The following IFT122 variants were observed in gnomAD, a reference collection of about 807,000 sequenced individuals.
The protein encoded by IFT122 is intraflagellar transport protein 122 homolog.
IFT122 carries 118 observed loss-of-function variants against 161.6 expected under a neutral mutation model. The ratio of observed to expected loss-of-function variants is 0.73; its 90% confidence interval spans 0.63 to 0.85. The LOEUF (loss-of-function observed/expected upper bound fraction) is 0.85. IFT122 is among the 40% of genes least tolerant of loss of function. The pLI, the probability that IFT122 is intolerant of heterozygous loss-of-function variation, is 0.00. For synonymous variants in IFT122, 550 were observed against 602.4 expected (o/e 0.91, Z 1.27); for missense variants, 1,381 against 1,579.6 (o/e 0.87, Z 2.13).
chr3:129,461,227 G>A lies in IFT122; in HGVS notation c.273-1G>A. The stretch of plus-strand genomic sequence containing the variant: ...GTAATCTACAGTTGTTTACTTCCCA[G>A]GCACAATGATGCTATACAATGTGTC... On this transcript the variant is annotated splice_acceptor_variant, in intron 4 of 29. Coordinates refer to ENST00000348417, the MANE Select transcript of IFT122 (RefSeq NM_052989.3). LOFTEE classifies it high-confidence loss of function. The A allele has an allele frequency of 1.2e-6, 2 of 1,611,058 alleles. No homozygotes were observed. The highest frequency in any genetic ancestry group is 1.7e-6 in the Non-Finnish European group (2 of 1,177,198).
intron 11 of IFT122, among the ~76,000 whole-genome samples, chr3:129,477,452 G>A (rs1260695887): frequency 1.3e-5 from 2 of 152,234 alleles, no homozygotes; most frequent in Non-Finnish European, 2.9e-5. Flanking sequence ...CCAGGTTGGG[G>A]GTTGTCTTGT....
At chr3:129,446,514 C>T (rs80329886) in intron 1 of IFT122, among the ~76,000 whole-genome samples, 11,297 of 152,110 alleles carry the variant, frequency 0.074, 1,128 homozygotes, top group East Asian at 0.41. Context: ...CGCGCCCGGC[C>T]GACCCTAGGT....
At chr3:129,479,156 C>T (rs1037420041) in intron 12 of IFT122, among the ~76,000 whole-genome samples, 8 of 148,986 alleles carry the variant, frequency 5.4e-5, no homozygotes. Context: ...TGCAGTGGCT[C>T]ATGCCTGTAA....
chr3:129,502,907 G>T, intron 20 of IFT122, 25 bp downstream of exon 20: 2 of 1,604,442 alleles, frequency 1.2e-6, no homozygotes, highest in Non-Finnish European at 1.7e-6. Flanking sequence ...GGCCTCATGG[G>T]CTGGGGCCCC....
chr3:129,469,832 C>T (rs67628805), intron 9 of IFT122, among the ~76,000 whole-genome samples: 20,208 of 152,258 alleles, frequency 0.13, 1,718 homozygotes, highest in South Asian at 0.24. Context: ...AAAGCCCTTT[C>T]ATAAAGGAGC....
At chr3:129,447,785 A>G (rs978219401) in intron 1 of IFT122, among the ~76,000 whole-genome samples, 1 of 152,198 alleles carries the variant, frequency 6.6e-6, no homozygotes, top group Non-Finnish European at 1.5e-5. Context: ...CGCTGGGATT[A>G]CAGGCATGAG....
rs201252917 is a variant in IFT122 at position 129,476,940 on chromosome 3, G to GT, written c.1147+143dup. ...CTGTTAGCCACTGGGTCTGTGTCTT[G>GT]TTTTCTTTTTTTTTTTTTTTTGGTG... On this transcript the variant is annotated intron_variant, in intron 11 of 29. Coordinates refer to ENST00000348417, the MANE Select transcript of IFT122 (RefSeq NM_052989.3). The GT allele has an allele frequency of 0.042, 29,654 of 703,938 alleles. 1,094 individuals are homozygous for GT. The highest frequency in any genetic ancestry group is 0.15 in the African/African-American group (7,620 of 50,282). 43.6% of individuals were successfully genotyped at this position (703,938 alleles called of 1,614,324 possible).
At chr3:129,446,142 A>C (rs1220668133) in intron 1 of IFT122, among the ~76,000 whole-genome samples, 2 of 152,094 alleles carry the variant, frequency 1.3e-5, no homozygotes, top group Non-Finnish European at 2.9e-5. Context: ...CTAGTACCTC[A>C]AGGCTTCCTC....
Position 129,463,711 on chromosome 3 carries a change from A to G in IFT122, c.416+85A>G. 2.6e-6 allele frequency: 3 copies of G among 1,173,146 alleles called. No homozygotes were observed. In the South Asian group the frequency reaches 3.7e-5, roughly 15 times the overall value. The allele number at this position is 1,173,146 out of a possible 1,614,324, so 72.7% of individuals were successfully genotyped here. Reference sequence around the variant, plus strand: ...ATCCAATTATTTCATGCAGCAGAGAAGGTCTTGTGTTAGGTAGTTGGTTTA... The same window carrying G: ...ATCCAATTATTTCATGCAGCAGAGAGGGTCTTGTGTTAGGTAGTTGGTTTA... On this transcript the variant is annotated intron_variant, in intron 6 of 29. Coordinates refer to ENST00000348417, the MANE Select transcript of IFT122 (RefSeq NM_052989.3).
rs565615362 is a variant in IFT122 at position 129,503,176 on chromosome 3, C to G, written c.2547+294C>G. ...AGTGTGAACACGACAGCTCCAGTGC[C>G]TGCTGTTGGGCTGAGCTGCCTCTGA... is the stretch of plus-strand genomic sequence containing the variant. On this transcript the variant is annotated intron_variant, in intron 20 of 29. Coordinates refer to ENST00000348417, the MANE Select transcript of IFT122 (RefSeq NM_052989.3). Among the ~76,000 whole-genome samples, 4 of 152,348 alleles carry G rather than the reference C, an allele frequency of 2.6e-5. No individual in the cohort carries two copies. The South Asian group carries it at 8.3e-4, about 32-fold the overall frequency.
At chr3:129,476,948 T>C in intron 11 of IFT122, 147 bp downstream of exon 11, 2 of 515,338 alleles carry the variant, frequency 3.9e-6, no homozygotes, top group Non-Finnish European at 5.9e-6. Flanking sequence ...TTGTTTTCTT[T>C]TTTTTTTTTT....
chr3:129,472,746 G>A (rs993203822), intron 9 of IFT122, among the ~76,000 whole-genome samples: 8 of 151,866 alleles, frequency 5.3e-5, no homozygotes, highest in African/African-American at 1.9e-4. Context: ...CCAAGTCATC[G>A]AGGCCCTGTT....
chr3:129,490,917 C>T (rs557450247), intron 16 of IFT122, among the ~76,000 whole-genome samples: 2 of 152,228 alleles, frequency 1.3e-5, no homozygotes, highest in African/African-American at 2.4e-5. Context: ...CCTCCCTTAA[C>T]GCTGCCTCCC....
chr3:129,505,379 T>C (rs1340216345), intron 21 of IFT122, among the ~76,000 whole-genome samples: 2 of 152,252 alleles, frequency 1.3e-5, no homozygotes, highest in African/African-American at 4.8e-5. Flanking sequence ...AACAAATGTC[T>C]CCCTGTTGGA....
chr3:129,454,879 T>C (rs2075289862), intron 3 of IFT122, among the ~76,000 whole-genome samples: 1 of 152,134 alleles, frequency 6.6e-6, no homozygotes, highest in Non-Finnish European at 1.5e-5. Flanking sequence ...AACAACTCTC[T>C]GAAGCAGGCA....
chr3:129,469,288 T>C (rs2077122485), intron 8 of IFT122, 54 bp from the exon 9 acceptor site: 1 of 1,440,256 alleles, frequency 6.9e-7, no homozygotes, highest in Middle Eastern at 1.8e-4. Flanking sequence ...CTTAGAGCTA[T>C]ACTCATCAGC....
intron 9 of IFT122, among the ~76,000 whole-genome samples, chr3:129,470,286 T>C (rs537982183): frequency 2.0e-5 from 3 of 152,104 alleles, no homozygotes; most frequent in African/African-American, 7.2e-5. Flanking sequence ...TTTTTCGAGA[T>C]GGAGTCTCAC....
chr3:129,480,614 G>A (rs1048020871), intron 13 of IFT122, among the ~76,000 whole-genome samples: 4 of 152,182 alleles, frequency 2.6e-5, no homozygotes, highest in African/African-American at 7.2e-5. Context: ...GAGAGCAGTG[G>A]GTGAAGTCAA....
intron 13 of IFT122, among the ~76,000 whole-genome samples, chr3:129,480,461 A>G (rs964376960): frequency 3.9e-5 from 6 of 152,250 alleles, no homozygotes; most frequent in African/African-American, 1.4e-4. Flanking sequence ...TTTGCTCAGC[A>G]TAAGAAAAGT....
Sources: allele counts gnomAD v4.1 joint callset (sites outside exome capture counted in the v4.1 genomes callset), GRCh38; gene constraint gnomAD v4.1.1; transcripts MANE v1.5; gene names NCBI Gene and HGNC (gene_info 2026-07-23, HGNC 2026-07-21).